The following SLCO1A2 variants were observed in gnomAD, a reference collection of about 807,000 sequenced individuals.
The protein encoded by SLCO1A2 is solute carrier organic anion transporter family member 1A2.
In SLCO1A2, 67 loss-of-function variants were observed where a neutral mutation model predicts 69.0. That is an observed-to-expected ratio of 0.97 (90% confidence interval 0.80 to 1.19). The LOEUF (loss-of-function observed/expected upper bound fraction) is 1.19, where lower values mean the gene tolerates loss of function less well. SLCO1A2 is among the 50% of genes most tolerant of loss of function. The pLI is 0.00. For missense variants in SLCO1A2, 787 were observed against 793.7 expected (o/e 0.99, Z 0.10); for synonymous variants, 260 against 265.9 (o/e 0.98, Z 0.22).
At chr12:21,297,635 G>T in intron 8 of SLCO1A2, 67 bp from the exon 9 acceptor site, 2 of 1,026,770 alleles carry the variant, frequency 1.9e-6, no homozygotes, top group Non-Finnish European at 1.4e-6. Context: ...GGCTTTTCCT[G>T]AAACATCCAC....
intron 1 of SLCO1A2, among the ~76,000 whole-genome samples, chr12:21,391,217 AT>A (rs1555129776): frequency 6.6e-6 from 1 of 152,136 alleles, no homozygotes; most frequent in Non-Finnish European, 1.5e-5. Flanking sequence ...TAACACCAAG[AT>A]TTACAGCATT....
chr12:21,362,018 A>G (rs2137051139), intron 2 of SLCO1A2, among the ~76,000 whole-genome samples: 1 of 152,326 alleles, frequency 6.6e-6, no homozygotes, highest in East Asian at 1.9e-4. Context: ...GGGAAGGCCA[A>G]CATTCAAATT....
chr12:21,293,562 G>A (rs1947242393), intron 11 of SLCO1A2, among the ~76,000 whole-genome samples: 1 of 140,640 alleles, frequency 7.1e-6, no homozygotes, highest in Non-Finnish European at 1.5e-5. Context: ...CATATACACA[G>A]AAAAATATAT....
chr12:21,294,184 C>A, intron 10 of SLCO1A2, 74 bp from the exon 11 acceptor site: 1 of 1,185,040 alleles, frequency 8.4e-7, no homozygotes, highest in Non-Finnish European at 1.1e-6. Context: ...TCATCTCAAT[C>A]CCCAGTTAGA....
At chr12:21,375,473 C>A (rs563018364) in intron 1 of SLCO1A2, among the ~76,000 whole-genome samples, 60 of 152,246 alleles carry the variant, frequency 3.9e-4, no homozygotes, top group African/African-American at 1.4e-3. Flanking sequence ...ATTTTCCTCA[C>A]AAAATTTAAT....
chr12:21,381,943 C>T (rs1565524922), intron 1 of SLCO1A2, among the ~76,000 whole-genome samples: 1 of 152,202 alleles, frequency 6.6e-6, no homozygotes, highest in Non-Finnish European at 1.5e-5. Context: ...GATAAAAGTA[C>T]ATCTACAATT....
At chr12:21,378,504 C>A in intron 1 of SLCO1A2, 1 of 1,156,984 alleles carries the variant, frequency 8.6e-7, no homozygotes, top group Non-Finnish European at 1.3e-6. Context: ...TTTTCATCTC[C>A]AGTGTGAATA....
intron 2 of SLCO1A2, among the ~76,000 whole-genome samples, chr12:21,341,030 C>A (rs1043854356): frequency 2.0e-5 from 3 of 151,936 alleles, no homozygotes; most frequent in Non-Finnish European, 4.4e-5. Flanking sequence ...CCATTTAATT[C>A]TCCTAAAATC....
intron 2 of SLCO1A2, among the ~76,000 whole-genome samples, chr12:21,329,596 CT>C (rs1299009959): frequency 5.3e-5 from 8 of 150,970 alleles, no homozygotes; most frequent in Non-Finnish European, 1.2e-4. Context: ...TGAATTTTAT[CT>C]TTTGTAATTG....
At chr12:21,275,456 A>AAAAT (rs780408809) in intron 12 of SLCO1A2, 32 bp from the exon 13 acceptor site, 1 of 1,415,552 alleles carries the variant, frequency 7.1e-7, no homozygotes, top group Non-Finnish European at 9.4e-7. Context: ...AAATAAAAGA[A>AAAAT]AAATAAAGAT....
chr12:21,291,802 G>A (rs1488972490), intron 12 of SLCO1A2, among the ~76,000 whole-genome samples: 1 of 152,006 alleles, frequency 6.6e-6, no homozygotes, highest in Non-Finnish European at 1.5e-5. Flanking sequence ...TGTCCTATAG[G>A]TTGAACCCTA....
chr12:21,378,374 G>A, intron 1 of SLCO1A2: 1 of 1,614,140 alleles, frequency 6.2e-7, no homozygotes, highest in Non-Finnish European at 8.5e-7. Flanking sequence ...TATGGCAAGA[G>A]GAATGCAGTA....
intron 12 of SLCO1A2, among the ~76,000 whole-genome samples, chr12:21,277,822 G>T (rs150159344): frequency 2.0e-5 from 3 of 152,154 alleles, no homozygotes; most frequent in Admixed American, 6.5e-5. Context: ...AACTCAGGGG[G>T]TAATGCTCGC....
intron 1 of SLCO1A2, among the ~76,000 whole-genome samples, chr12:21,412,263 C>T (rs996687434): frequency 6.6e-6 from 1 of 151,966 alleles, no homozygotes; most frequent in African/African-American, 2.4e-5. Context: ...CGCCTGTAGT[C>T]CCTGCTACTT....
intron 1 of SLCO1A2, among the ~76,000 whole-genome samples, chr12:21,402,937 ATATG>A: frequency 6.6e-6 from 1 of 152,292 alleles, no homozygotes; most frequent in Middle Eastern, 3.4e-3. Flanking sequence ...TAGAATGTGT[ATATG>A]TGAGTGTTAA....
chr12:21,287,938 C>A (rs1318263895), intron 12 of SLCO1A2, among the ~76,000 whole-genome samples: 1 of 130,264 alleles, frequency 7.7e-6, no homozygotes, highest in East Asian at 2.2e-4. Context: ...GTGCAGCGCA[C>A]CAGCATGGCA....
At chr12:21,386,957 A>G (rs1359938420) in intron 1 of SLCO1A2, among the ~76,000 whole-genome samples, 1 of 152,136 alleles carries the variant, frequency 6.6e-6, no homozygotes, top group African/African-American at 2.4e-5. Context: ...AAACACCGAT[A>G]GTGATATGGA....
chr12:21,274,453 A>AAATT lies in SLCO1A2; in HGVS notation c.1793+12_1793+15dup. The AAATT allele has an allele frequency of 6.5e-7, 1 of 1,544,030 alleles. No individual in the cohort carries two copies. The highest frequency in any genetic ancestry group is 2.3e-5 in the East Asian group (1 of 44,434). ...CTATGCTTATAAAACAATTTTAAAC[A>AAATT]AATTATTATCTTTACCTGAAGGTGG... On this transcript the variant is annotated intron_variant, in intron 14 of 14. Coordinates refer to ENST00000683939, the MANE Select transcript of SLCO1A2 (RefSeq NM_001386879.1).
intron 4 of SLCO1A2, among the ~76,000 whole-genome samples, chr12:21,310,892 C>T (rs1209252059): frequency 1.3e-5 from 2 of 152,140 alleles, no homozygotes; most frequent in Non-Finnish European, 2.9e-5. Context: ...CGTGAGCCAC[C>T]GCGCCCAGCC....
Sources: gnomAD v4.1 joint callset for allele counts (sites outside exome capture counted in the v4.1 genomes callset) on GRCh38, gnomAD v4.1.1 for gene constraint, MANE v1.5 for transcripts, NCBI Gene and HGNC (gene_info 2026-07-23, HGNC 2026-07-21) for gene names.